C8orf34: variants seen among roughly 807,000 people sequenced by gnomAD.
C8orf34 encodes uncharacterized protein C8orf34.
Under a neutral mutation model 68.3 loss-of-function variants are expected in C8orf34, and 65 were observed. That is an observed-to-expected ratio of 0.95 (90% CI 0.78 to 1.17). C8orf34 has a LOEUF of 1.17. C8orf34 is among the 50% of genes most tolerant of loss of function. The pLI, the probability that C8orf34 is intolerant of heterozygous loss-of-function variation, is 0.00. For missense variants in C8orf34, 664 were observed against 655.4 expected (o/e 1.01, Z -0.14); for synonymous variants, 244 against 241.2 (o/e 1.01, Z -0.11).
chr8:68,549,140 A>C (rs1586358840), intron 7 of C8orf34, among the ~76,000 whole-genome samples: 1 of 151,796 alleles, frequency 6.6e-6, no homozygotes, highest in Non-Finnish European at 1.5e-5. Flanking sequence ...GGCAGCCATC[A>C]ATAACCCAAG....
At chr8:68,740,479 G>GA (rs1010653005) in intron 10 of C8orf34, among the ~76,000 whole-genome samples, 63 of 151,862 alleles carry the variant, frequency 4.1e-4, no homozygotes, top group African/African-American at 1.1e-3. Flanking sequence ...ATAAGCATAC[G>GA]AAAAAAAAGC....
intron 7 of C8orf34, among the ~76,000 whole-genome samples, chr8:68,583,192 T>C (rs1817116130): frequency 6.6e-6 from 1 of 152,108 alleles, no homozygotes. Flanking sequence ...AGTTATATTT[T>C]GGGGTACCAT....
chr8:68,604,312 T>G (rs969837907), intron 7 of C8orf34, among the ~76,000 whole-genome samples: 24 of 151,922 alleles, frequency 1.6e-4, no homozygotes, highest in Non-Finnish European at 2.9e-4. Context: ...TGTTTTTTTT[T>G]TAAGCCAAAA....
intron 1 of C8orf34, among the ~76,000 whole-genome samples, chr8:68,409,950 G>A (rs1470706933): frequency 1.3e-5 from 2 of 152,150 alleles, no homozygotes; most frequent in Non-Finnish European, 2.9e-5. Flanking sequence ...TGCTGTGCAG[G>A]TTAGTAGCCT....
chr8:68,704,049 T>C (rs1821096163), intron 8 of C8orf34, among the ~76,000 whole-genome samples: 1 of 152,202 alleles, frequency 6.6e-6, no homozygotes, highest in Non-Finnish European at 1.5e-5. Context: ...AGAAGTACCT[T>C]AAGAAATCTC....
At chr8:68,764,579 A>C (rs1823115852) in intron 10 of C8orf34, among the ~76,000 whole-genome samples, 1 of 152,130 alleles carries the variant, frequency 6.6e-6, no homozygotes, top group African/African-American at 2.4e-5. Context: ...GCCAAGTGTA[A>C]AATCTTGCCA....
chr8:68,346,223 CA>C (rs1157991289), intron 1 of C8orf34, among the ~76,000 whole-genome samples: 1 of 151,332 alleles, frequency 6.6e-6, no homozygotes, highest in East Asian at 1.9e-4. Flanking sequence ...CTGAGAATCC[CA>C]AATCTCTGCA....
At chr8:68,401,247 T>A (rs1485309541) in intron 1 of C8orf34, among the ~76,000 whole-genome samples, 6 of 152,058 alleles carry the variant, frequency 3.9e-5, no homozygotes, top group African/African-American at 1.4e-4. Context: ...CTGTACTGAA[T>A]GTATTCATCA....
intron 10 of C8orf34, among the ~76,000 whole-genome samples, chr8:68,752,011 C>T (rs1822722063): frequency 6.6e-6 from 1 of 152,096 alleles, no homozygotes; most frequent in Non-Finnish European, 1.5e-5. Flanking sequence ...AGTTTAATTG[C>T]AGTTTCAGCC....
At chr8:68,734,719 G>C (rs1487757112) in intron 10 of C8orf34, among the ~76,000 whole-genome samples, 1 of 152,078 alleles carries the variant, frequency 6.6e-6, no homozygotes. Context: ...TTCCAGCCTG[G>C]GTTAAGGCGG....
intron 1 of C8orf34, among the ~76,000 whole-genome samples, chr8:68,412,206 C>A (rs1232688632): frequency 6.6e-6 from 1 of 152,164 alleles, no homozygotes; most frequent in Non-Finnish European, 1.5e-5. Flanking sequence ...TAAGACAGGA[C>A]TAGCTACCTC....
chr8:68,806,634 C>G (rs1824495379), intron 12 of C8orf34, among the ~76,000 whole-genome samples: 2 of 152,156 alleles, frequency 1.3e-5, no homozygotes, highest in Non-Finnish European at 2.9e-5. Flanking sequence ...AGTGTGCCTA[C>G]ATGTTATTAA....
intron 13 of C8orf34, among the ~76,000 whole-genome samples, chr8:68,817,818 T>G (rs1824863720): frequency 6.6e-6 from 1 of 152,056 alleles, no homozygotes; most frequent in Non-Finnish European, 1.5e-5. Context: ...GCAAGACACC[T>G]TCACAAGGCA....
chr8:68,400,769 A>T (rs932527387), intron 1 of C8orf34, among the ~76,000 whole-genome samples: 1 of 152,104 alleles, frequency 6.6e-6, no homozygotes, highest in African/African-American at 2.4e-5. Flanking sequence ...TTTGGTTACT[A>T]TACCCTTGCA....
At chr8:68,604,793 TTG>T (rs1817806440) in intron 7 of C8orf34, among the ~76,000 whole-genome samples, 1 of 152,078 alleles carries the variant, frequency 6.6e-6, no homozygotes, top group Non-Finnish European at 1.5e-5. Flanking sequence ...CACCTCGAGT[TTG>T]GTGATAACGT....
At chr8:68,691,755 T>TTTGATAAAGTAAA (rs1202674896) in intron 8 of C8orf34, among the ~76,000 whole-genome samples, 1 of 152,064 alleles carries the variant, frequency 6.6e-6, no homozygotes, top group African/African-American at 2.4e-5. Flanking sequence ...AATATTTACT[T>TTTGATAAAGTAAA]GAAAGATAAA....
intron 1 of C8orf34, among the ~76,000 whole-genome samples, chr8:68,397,397 T>C (rs917562481): frequency 3.9e-5 from 6 of 152,146 alleles, no homozygotes; most frequent in African/African-American, 1.2e-4. Context: ...GGCTCCCAAC[T>C]TCCACTTTAG....
chr8:68,568,433 C>T (rs192454183), intron 7 of C8orf34, among the ~76,000 whole-genome samples: 305 of 151,988 alleles, frequency 2.0e-3, no homozygotes, highest in Non-Finnish European at 3.4e-3. Context: ...TATTTTTGAA[C>T]GCTGAAAAAG....
chr8:68,434,345 C>T (rs1022898951), intron 1 of C8orf34, among the ~76,000 whole-genome samples: 4 of 152,130 alleles, frequency 2.6e-5, no homozygotes, highest in Admixed American at 6.5e-5. Flanking sequence ...TGTTCCCCTC[C>T]CTGTGTCCAT....
Sources: gnomAD v4.1 joint callset for allele counts (sites outside exome capture counted in the v4.1 genomes callset) on GRCh38, gnomAD v4.1.1 for gene constraint, MANE v1.5 for transcripts, NCBI Gene and HGNC (gene_info 2026-07-23, HGNC 2026-07-21) for gene names.